Variants in LIG1 observed in about 807,000 individuals in gnomAD.
LIG1 encodes ligase I, DNA, ATP-dependent.
A neutral mutation model predicts 115.7 loss-of-function variants in LIG1; 70 were observed. That is an observed-to-expected ratio of 0.60 (90% confidence interval 0.50 to 0.74). The LOEUF is 0.74. Among genes scored for constraint, LIG1 ranks in the 30% least tolerant of loss-of-function variants. LIG1 has a pLI of 0.00. For missense variants in LIG1, 1,115 were observed against 1,225.6 expected (o/e 0.91, Z 1.35); for synonymous variants, 487 against 495.3 (o/e 0.98, Z 0.22).
chr19:48,154,416 TATAA>T, intron 5 of LIG1: 1 of 229,822 alleles, frequency 4.4e-6, no homozygotes, highest in Admixed American at 4.9e-5. Context: ...GGAGTTGGTG[TATAA>T]ATACCCCAGC....
intron 12 of LIG1, among the ~76,000 whole-genome samples, chr19:48,138,635 G>A (rs536904863): frequency 2.6e-4 from 39 of 152,190 alleles, no homozygotes; most frequent in African/African-American, 3.6e-4. Flanking sequence ...GCCACAAGGC[G>A]GCACGGAGAG....
At chr19:48,125,053 G>GA (rs920862236) in intron 21 of LIG1, among the ~76,000 whole-genome samples, 4 of 149,348 alleles carry the variant, frequency 2.7e-5, no homozygotes, top group African/African-American at 4.9e-5. Context: ...ACATTAAACA[G>GA]AAAAAAAATG....
intron 19 of LIG1, among the ~76,000 whole-genome samples, chr19:48,128,261 C>T (rs1010114937): frequency 2.6e-5 from 4 of 152,110 alleles, no homozygotes; most frequent in African/African-American, 9.7e-5. Context: ...CATCTCCCTC[C>T]TCCTGTCACC....
Position 48,157,114 on chromosome 19 carries a change from G to T in LIG1, c.270C>A (p.Val90=). 1 of 1,613,430 alleles carries T rather than the reference G, an allele frequency of 6.2e-7. No individual in the cohort carries two copies. The highest frequency in any genetic ancestry group is 1.1e-5 in the South Asian group (1 of 91,062). The change falls in exon 5 of 28, where the codon GTC becomes GTA. Residue 90 remains valine (V), a synonymous_variant. Coordinates refer to ENST00000263274, the MANE Select transcript of LIG1 (RefSeq NM_000234.3). ...GQKPALDCSQ[V]SPPRPATSPE... Reference sequence around the variant, plus strand: ...GAGATGTGGCAGGACGGGGCGGGGAGACCTGTGAGCAGTCCAGGGCAGGCT... The same window carrying T: ...GAGATGTGGCAGGACGGGGCGGGGATACCTGTGAGCAGTCCAGGGCAGGCT...
chr19:48,148,493 C>CAAAA (rs2035267541), intron 9 of LIG1, among the ~76,000 whole-genome samples: 1 of 141,064 alleles, frequency 7.1e-6, no homozygotes, highest in African/African-American at 2.8e-5. Context: ...AAAAAAAAAG[C>CAAAA]AGGGAGGAAT....
In LIG1 at chr19:48,131,037, C is replaced by T. The variant is rs751902969; in HGVS notation, c.1821+39G>A. ...CCTCAGGCCTTTGCACCCCTGACCA[C>T]AGACCCTGGCAGAGTGCAAGTGTGT... On this transcript the variant is annotated intron_variant, in intron 19 of 27. Coordinates refer to ENST00000263274, the MANE Select transcript of LIG1 (RefSeq NM_000234.3). The T allele has an allele frequency of 6.4e-6, 10 of 1,552,392 alleles. No individual in the cohort carries two copies. In the South Asian group the frequency reaches 6.7e-5, roughly 10 times the overall value.
chr19:48,139,531 C>T (rs1306120129), intron 12 of LIG1, among the ~76,000 whole-genome samples: 3 of 152,120 alleles, frequency 2.0e-5, no homozygotes, highest in East Asian at 1.9e-4. Flanking sequence ...GCGGGCCATC[C>T]GCATCACCAG....
At chr19:48,145,614 T>C (rs1037101331) in intron 9 of LIG1, among the ~76,000 whole-genome samples, 9 of 151,962 alleles carry the variant, frequency 5.9e-5, no homozygotes, top group Non-Finnish European at 1.2e-4. Context: ...TGGCCTTTGG[T>C]ATGAACTTGG....
chr19:48,136,011 A>AGAGAC, intron 15 of LIG1, 23 bp downstream of exon 15: 4 of 1,537,114 alleles, frequency 2.6e-6, no homozygotes, highest in Non-Finnish European at 3.5e-6. Flanking sequence ...CGAGGGATGC[A>AGAGAC]GAGACGGGCC....
Position 48,117,702 on chromosome 19 carries a change from G to A in LIG1, c.2519C>T (p.Ala840Val), listed in dbSNP as rs1248785469. The change falls in exon 26 of 28, where the codon GCT (alanine) becomes GTT (valine). Residue 840 changes from alanine (A) to valine (V), a missense_variant. Coordinates refer to ENST00000263274, the MANE Select transcript of LIG1 (RefSeq NM_000234.3). ...GTCAGCGCACTTCACCTCCCACACA[G>A]CGCTGGGGTCCAGCCAGTGGTCGGG... ...VIPDHWLDPSAVWEVKCADLS... is the reference protein window; with the variant it reads ...VIPDHWLDPSVVWEVKCADLS... 3 of 1,612,620 alleles carry A rather than the reference G, an allele frequency of 1.9e-6. No homozygotes were observed. Among genetic ancestry groups the A allele is most frequent in the Middle Eastern group, 1.7e-4 (1 of 6,050 alleles).
intron 10 of LIG1, 137 bp downstream of exon 10, chr19:48,143,746 C>T: frequency 9.5e-7 from 1 of 1,058,174 alleles, no homozygotes; most frequent in Non-Finnish European, 1.5e-6. Flanking sequence ...TCTCTCTGTC[C>T]CTTTCAATGC....
At position 48,138,140 on chromosome 19, in the gene LIG1, A is replaced by C. The variant is rs563701741; in HGVS notation, c.1088-452T>G. ...GGAGCCACCAGCTTACACACGTGGG[A>C]TGTGCTCTGGCCCCACTTACTGTCC... On this transcript the variant is annotated intron_variant, in intron 12 of 27. Transcript: ENST00000263274. 2.0e-5 allele frequency among the ~76,000 whole-genome samples: 3 copies of C among 152,142 alleles called. No individual in the cohort carries two copies. The South Asian group carries it at 6.2e-4, about 32-fold the overall frequency.
intron 9 of LIG1, among the ~76,000 whole-genome samples, chr19:48,148,119 G>C (rs1232309207): frequency 2.6e-5 from 4 of 152,200 alleles, no homozygotes; most frequent in Admixed American, 2.6e-4. Context: ...GGGCCTGAGG[G>C]AAGCCTGCTG....
intron 26 of LIG1, 98 bp downstream of exon 26, chr19:48,117,540 G>C: frequency 7.9e-7 from 1 of 1,262,716 alleles, no homozygotes; most frequent in Non-Finnish European, 1.1e-6. Context: ...TCCTTACCTG[G>C]AAGAGCAGAT....
chr19:48,136,902 C>G, intron 14 of LIG1, 106 bp downstream of exon 14: 2 of 926,500 alleles, frequency 2.2e-6, no homozygotes, highest in Admixed American at 4.0e-5. Flanking sequence ...TTTTCTCATC[C>G]AAGGATGGTC....
chr19:48,132,147 A>T (rs146000470), intron 18 of LIG1, among the ~76,000 whole-genome samples: 2 of 152,176 alleles, frequency 1.3e-5, no homozygotes, highest in African/African-American at 4.8e-5. Context: ...CATGTTGGCC[A>T]GGCTGGTCTC....
chr19:48,142,450 A>AAAAAAAAAAAAAAAC (rs1190070015), intron 11 of LIG1, among the ~76,000 whole-genome samples: 1 of 150,354 alleles, frequency 6.7e-6, no homozygotes, highest in African/African-American at 2.4e-5. Flanking sequence ...CTCAAAAAAA[A>AAAAAAAAAAAAAAAC]AAAAAAACAG....
At chr19:48,132,941 GTTTTCC>G (rs2034136671) in intron 18 of LIG1, 35 bp downstream of exon 18, 1 of 1,449,440 alleles carries the variant, frequency 6.9e-7, no homozygotes, top group Non-Finnish European at 9.7e-7. Context: ...GCTCTTTGAC[GTTTTCC>G]TGTCTGTGGA....
rs1435552866 is a variant in LIG1, at chr19:48,121,025, G to GA, written c.2385+144dup. 3 of 1,522,152 alleles carry GA rather than the reference G, an allele frequency of 2.0e-6. No homozygotes were observed. In the African/African-American group the frequency reaches 4.1e-5, roughly 21 times the overall value. 94.3% of individuals were successfully genotyped at this position (1,522,152 alleles called of 1,614,324 possible). A position where few individuals can be genotyped will look rare whatever the true frequency, so the allele number is the denominator to read the frequency against. On this transcript the variant is annotated intron_variant, in intron 24 of 27. Transcript: ENST00000263274. ...GAAGCAAGAGTTGCTCATAGAACCA[G>GA]AAAAAGTAAATAAAAACTGGGGAGA...
Sources: gnomAD v4.1 joint callset for allele counts (sites outside exome capture counted in the v4.1 genomes callset) on GRCh38, gnomAD v4.1.1 for gene constraint, MANE v1.5 for transcripts, NCBI Gene and HGNC (gene_info 2026-07-23, HGNC 2026-07-21) for gene names.